SPHKAP: variants seen among roughly 807,000 people sequenced by gnomAD.
SPHKAP encodes A-kinase anchor protein SPHKAP.
Under a neutral mutation model 137.5 loss-of-function variants are expected in SPHKAP, and 67 were observed. That is an observed-to-expected ratio of 0.49 (90% CI 0.40 to 0.60). SPHKAP has a LOEUF of 0.60. SPHKAP is among the 20% of genes least tolerant of loss of function. SPHKAP has a pLI of 0.00. For synonymous variants in SPHKAP, 813 were observed against 785.3 expected, an observed-to-expected ratio of 1.04 and a Z score of -0.59; for missense variants, 2,097 against 2,069.3, an observed-to-expected ratio of 1.01 and a Z score of -0.26.
intron 2 of SPHKAP, among the ~76,000 whole-genome samples, chr2:228,120,673 G>A (rs1182928449): frequency 1.3e-5 from 2 of 152,148 alleles, no homozygotes; most frequent in Non-Finnish European, 2.9e-5. Flanking sequence ...ACTAGTTAGA[G>A]CTTGGGAACT....
At position 228,003,139 on chromosome 2, in the gene SPHKAP, T is replaced by A. The variant is rs574513175; in HGVS notation, c.4449-7445A>T. The stretch of plus-strand genomic sequence containing the variant: ...GTAGCTTGATGGGGATGGCATTGAA[T>A]CTATAAATTACCTTGGGCAGTATGG... On this transcript the variant is annotated intron_variant, in intron 7 of 11. Coordinates refer to ENST00000392056, the MANE Select transcript of SPHKAP (RefSeq NM_001142644.2). Among the ~76,000 whole-genome samples, 5 of 152,346 alleles carry A rather than the reference T, an allele frequency of 3.3e-5. No individual in the cohort carries two copies. The South Asian group carries it at 8.3e-4, about 25-fold the overall frequency.
intron 1 of SPHKAP, among the ~76,000 whole-genome samples, chr2:228,153,218 TACA>T (rs1380229458): frequency 6.6e-6 from 1 of 152,212 alleles, no homozygotes; most frequent in Non-Finnish European, 1.5e-5. Context: ...CCTCCTAACT[TACA>T]TTATTGCCTA....
In SPHKAP at chr2:228,058,395, T is replaced by A. The variant is rs369085457; in HGVS notation, c.247-30852A>T. Among the ~76,000 whole-genome samples the A allele has an allele frequency of 2.6e-5, 4 of 152,332 alleles. 1 individual carries two copies. Among genetic ancestry groups the A allele is most frequent in the African/African-American group, 9.6e-5 (4 of 41,572 alleles). On this transcript the variant is annotated intron_variant, in intron 3 of 11. Transcript: ENST00000392056. ...TGCATTATAACCCACATTATGCAAT[T>A]GAATCCTCATCACTTCCAGTCAAGA...
Position 228,171,235 on chromosome 2 carries a change from T to A in SPHKAP, c.32+10332A>T, listed in dbSNP as rs148188380. On this transcript the variant is annotated intron_variant, in intron 1 of 11. Transcript: ENST00000392056. ...CCAGTGCAGTCTTAAGTACAATCTG[T>A]TGCATATCATTTTATTCTTGGCTTA... 6.8e-3 allele frequency among the ~76,000 whole-genome samples: 1,032 copies of A among 152,276 alleles called. 16 individuals are homozygous for A. The highest frequency in any genetic ancestry group is 0.023 in the African/African-American group (963 of 41,566).
intron 3 of SPHKAP, among the ~76,000 whole-genome samples, chr2:228,066,505 C>T (rs779662295): frequency 5.3e-5 from 8 of 152,152 alleles, no homozygotes; most frequent in Admixed American, 2.6e-4. Flanking sequence ...AAAGGTTATT[C>T]AATTACCCTC....
chr2:228,161,501 C>T lies in SPHKAP; in HGVS notation c.32+20066G>A, dbSNP rs555920655. ...TTCTCGCTTAAAAGTGGGAGCTTAA[C>T]AATGAGAACACGTGGACACAGGGAG... On this transcript the variant is annotated intron_variant, in intron 1 of 11. Coordinates refer to ENST00000392056, the MANE Select transcript of SPHKAP (RefSeq NM_001142644.2). Among the ~76,000 whole-genome samples the T allele has an allele frequency of 2.3e-4, 35 of 152,226 alleles. 1 individual carries two copies. The South Asian group carries it at 6.8e-3, about 30-fold the overall frequency.
chr2:228,009,617 T>C (rs1421286696), intron 7 of SPHKAP, among the ~76,000 whole-genome samples: 1 of 152,230 alleles, frequency 6.6e-6, no homozygotes, highest in African/African-American at 2.4e-5. Context: ...TTTGCTTGGA[T>C]GTTACATTGC....
chr2:228,109,025 A>C, intron 2 of SPHKAP, 86 bp from the exon 3 acceptor site: 1 of 894,194 alleles, frequency 1.1e-6, no homozygotes, highest in South Asian at 2.1e-5. Flanking sequence ...TTTTTCTTAT[A>C]AAAAAACCTG....
At chr2:228,176,142 T>C (rs1311521997) in intron 1 of SPHKAP, among the ~76,000 whole-genome samples, 1 of 152,222 alleles carries the variant, frequency 6.6e-6, no homozygotes, top group Non-Finnish European at 1.5e-5. Flanking sequence ...ATCACTAATA[T>C]GTGACAGAAC....
intron 3 of SPHKAP, among the ~76,000 whole-genome samples, chr2:228,085,427 A>G (rs1056832630): frequency 7.9e-5 from 12 of 152,204 alleles, no homozygotes; most frequent in Admixed American, 6.5e-5. Context: ...TAGGCCAATG[A>G]CATGATTATG....
Position 228,019,226 on chromosome 2 carries a change from C to T in SPHKAP, c.1628G>A (p.Gly543Glu), listed in dbSNP as rs1219251604. 2 of 1,613,858 alleles carry T rather than the reference C, an allele frequency of 1.2e-6. No homozygotes were observed. The highest frequency in any genetic ancestry group is 8.5e-7 in the Non-Finnish European group (1 of 1,180,032). ...CTCATTGATGGAAGGTTCCTTGAGT[C>T]CTTGGGGTGCTTGAGTTTGCAGTGC... ...SGALQTQAPQ[G>E]LKEPSINEYS... The change falls in exon 7 of 12, where the codon GGA becomes GAA. Residue 543 changes from glycine (G) to glutamate (E), a missense_variant. By Grantham distance (98) the Gly-to-Glu change is moderately conservative (BLOSUM62 -2). Coordinates refer to ENST00000392056, the MANE Select transcript of SPHKAP (RefSeq NM_001142644.2).
intron 1 of SPHKAP, among the ~76,000 whole-genome samples, chr2:228,171,929 A>G (rs1187410545): frequency 6.6e-6 from 1 of 152,140 alleles, no homozygotes; most frequent in Non-Finnish European, 1.5e-5. Flanking sequence ...TGCATCTAAC[A>G]TGAGATTTAG....
At chr2:227,982,341 A>C in intron 11 of SPHKAP, 1 of 985,332 alleles carries the variant, frequency 1.0e-6, no homozygotes, top group Non-Finnish European at 1.2e-6. Context: ...TTCCATCCTG[A>C]GAAGCAACTC....
intron 7 of SPHKAP, among the ~76,000 whole-genome samples, chr2:228,006,291 G>GA (rs1367865239): frequency 3.3e-5 from 5 of 151,832 alleles, no homozygotes; most frequent in African/African-American, 1.2e-4. Flanking sequence ...TCATTCATTT[G>GA]ATCTTCAGTC....
intron 8 of SPHKAP, 40 bp downstream of exon 8, chr2:227,995,469 G>C (rs1330382641): frequency 6.2e-7 from 1 of 1,610,344 alleles, no homozygotes; most frequent in South Asian, 1.1e-5. Context: ...AATCTGTGTT[G>C]AGACCAATTT....
At chr2:227,983,514 C>T (rs1354549449) in intron 11 of SPHKAP, among the ~76,000 whole-genome samples, 2 of 152,090 alleles carry the variant, frequency 1.3e-5, no homozygotes, top group East Asian at 1.9e-4. Context: ...ACATCTTAGC[C>T]ATCTTTTCAT....
In SPHKAP at chr2:228,017,699, A is replaced by C; in HGVS notation, c.3155T>G (p.Phe1052Cys). ...VAAKIMNLTEFSMVDGMWQAQ... is the reference protein window; with the variant it reads ...VAAKIMNLTECSMVDGMWQAQ... ...CTGCCACATGCCGTCCACCATAGAG[A>C]ACTCCGTTAGGTTCATGATCTTGGC... The change falls in exon 7 of 12, where the codon TTC (phenylalanine) becomes TGC (cysteine). Residue 1052 changes from phenylalanine (F) to cysteine (C), a missense_variant. Physicochemically the swap from Phe to Cys is radical, Grantham distance 205 (BLOSUM62 -2). Coordinates refer to ENST00000392056, the MANE Select transcript of SPHKAP (RefSeq NM_001142644.2). 6.2e-7 allele frequency: 1 copy of C among 1,613,906 alleles called. No homozygotes were observed. Among genetic ancestry groups the C allele is most frequent in the Non-Finnish European group, 8.5e-7 (1 of 1,179,970 alleles).
At chr2:228,127,096 A>G (rs1212963217) in intron 2 of SPHKAP, among the ~76,000 whole-genome samples, 1 of 152,220 alleles carries the variant, frequency 6.6e-6, no homozygotes, top group East Asian at 1.9e-4. Context: ...GATTTCAATT[A>G]TCCGTGTTAC....
At chr2:228,031,893 T>A (rs1235299211) in intron 3 of SPHKAP, among the ~76,000 whole-genome samples, 1 of 152,214 alleles carries the variant, frequency 6.6e-6, no homozygotes, top group African/African-American at 2.4e-5. Flanking sequence ...TACATCACCA[T>A]TATCAAAGAC....
Sources: gnomAD v4.1 joint callset for allele counts (sites outside exome capture counted in the v4.1 genomes callset) on GRCh38, gnomAD v4.1.1 for gene constraint, MANE v1.5 for transcripts, NCBI Gene and HGNC (gene_info 2026-07-23, HGNC 2026-07-21) for gene names.